Variants in NOL4 observed in about 807,000 individuals in gnomAD.
The protein encoded by NOL4 is cancer/testis antigen 125.
In NOL4, 17 loss-of-function variants were observed where a neutral mutation model predicts 75.9. The observed-to-expected ratio is 0.22, with a 90% CI of 0.15 to 0.34. The LOEUF (loss-of-function observed/expected upper bound fraction) is 0.34. NOL4 is among the 10% of genes least tolerant of loss of function. NOL4 has a pLI of 1.00. For synonymous variants in NOL4, 292 were observed against 289.9 expected (o/e 1.01, Z -0.07); for missense variants, 614 against 793.5 (o/e 0.77, Z 2.72).
chr18:34,139,550 T>C (rs1430711459), intron 1 of NOL4, among the ~76,000 whole-genome samples: 1 of 152,202 alleles, frequency 6.6e-6, no homozygotes, highest in African/African-American at 2.4e-5. Flanking sequence ...TTATTGCGTC[T>C]ATTTGATTCT....
At chr18:33,880,487 C>T (rs547144321) in intron 10 of NOL4, among the ~76,000 whole-genome samples, 2 of 152,178 alleles carry the variant, frequency 1.3e-5, no homozygotes, top group South Asian at 4.1e-4. Context: ...CTCCTTTAGA[C>T]TTCAACCTGG....
intron 6 of NOL4, among the ~76,000 whole-genome samples, chr18:33,986,039 T>G (rs1300759697): frequency 6.6e-6 from 1 of 152,158 alleles, no homozygotes; most frequent in African/African-American, 2.4e-5. Context: ...GAAAATAAAA[T>G]GATTTGGCTT....
chr18:34,005,349 C>G (rs1200159056), intron 6 of NOL4, among the ~76,000 whole-genome samples: 5 of 152,026 alleles, frequency 3.3e-5, no homozygotes, highest in Non-Finnish European at 7.4e-5. Flanking sequence ...TTTTCTGGCT[C>G]TCTGCTTCAT....
At chr18:33,901,258 A>G (rs1011259412) in intron 9 of NOL4, among the ~76,000 whole-genome samples, 6 of 152,152 alleles carry the variant, frequency 3.9e-5, no homozygotes, top group Admixed American at 3.9e-4. Flanking sequence ...AATAAGACGA[A>G]TACAAGATCG....
At chr18:34,185,050 T>G (rs2034348664) in intron 1 of NOL4, among the ~76,000 whole-genome samples, 1 of 152,122 alleles carries the variant, frequency 6.6e-6, no homozygotes, top group African/African-American at 2.4e-5. Flanking sequence ...TGTCCCTAGT[T>G]AAGGCTTTCA....
intron 6 of NOL4, among the ~76,000 whole-genome samples, chr18:33,985,920 C>T (rs2072409273): frequency 6.6e-6 from 1 of 152,026 alleles, no homozygotes; most frequent in Non-Finnish European, 1.5e-5. Context: ...TTACATTTTA[C>T]AGATGAAGAA....
chr18:34,216,676 C>T (rs548627881), intron 1 of NOL4, among the ~76,000 whole-genome samples: 34 of 149,318 alleles, frequency 2.3e-4, no homozygotes, highest in African/African-American at 7.3e-4. Context: ...AAATGTAAAC[C>T]AGGATCTAAG....
At chr18:33,907,173 A>G (rs1341355030) in intron 9 of NOL4, among the ~76,000 whole-genome samples, 2 of 151,934 alleles carry the variant, frequency 1.3e-5, no homozygotes, top group Non-Finnish European at 2.9e-5. Flanking sequence ...AATACAAAAA[A>G]TTAGCTAGAC....
intron 5 of NOL4, among the ~76,000 whole-genome samples, chr18:34,024,190 A>ATATATAT (rs1322401512): frequency 4.3e-5 from 3 of 69,664 alleles, no homozygotes; most frequent in South Asian, 3.5e-4. Context: ...GGAAAAAAAA[A>ATATATAT]AAAAATATAT....
chr18:33,895,302 C>T (rs1031487305), intron 9 of NOL4, among the ~76,000 whole-genome samples: 3 of 151,890 alleles, frequency 2.0e-5, no homozygotes, highest in South Asian at 2.1e-4. Context: ...AAAACTTCCC[C>T]GATCAACATA....
chr18:34,080,522 A>G (rs1164554079), intron 5 of NOL4, among the ~76,000 whole-genome samples: 2 of 152,212 alleles, frequency 1.3e-5, no homozygotes, highest in Non-Finnish European at 2.9e-5. Context: ...ATAGGCTAAC[A>G]TAAAAAGCGG....
At chr18:33,854,986 G>GAGCTT (rs2062776699) in intron 10 of NOL4, among the ~76,000 whole-genome samples, 1 of 151,980 alleles carries the variant, frequency 6.6e-6, no homozygotes, top group Non-Finnish European at 1.5e-5. Flanking sequence ...CACAGGCATA[G>GAGCTT]TCTAGAGAAA....
At chr18:33,912,251 T>C (rs1337667617) in intron 9 of NOL4, among the ~76,000 whole-genome samples, 1 of 152,062 alleles carries the variant, frequency 6.6e-6, no homozygotes, top group Non-Finnish European at 1.5e-5. Flanking sequence ...TTTGTAAATC[T>C]AAACTTTATA....
chr18:33,903,948 T>C (rs1431999508), intron 9 of NOL4, among the ~76,000 whole-genome samples: 2 of 152,076 alleles, frequency 1.3e-5, no homozygotes, highest in African/African-American at 4.8e-5. Flanking sequence ...TTTTAAAGGG[T>C]CTGTTTCGAG....
At chr18:33,950,579 A>T (rs2069149320) in intron 8 of NOL4, among the ~76,000 whole-genome samples, 1 of 152,156 alleles carries the variant, frequency 6.6e-6, no homozygotes, top group Non-Finnish European at 1.5e-5. Flanking sequence ...TACAGAGATG[A>T]ACAAGTTAAG....
At chr18:34,103,695 A>G (rs544890291) in intron 4 of NOL4, among the ~76,000 whole-genome samples, 1 of 152,202 alleles carries the variant, frequency 6.6e-6, no homozygotes, top group African/African-American at 2.4e-5. Flanking sequence ...CTTAGTACTT[A>G]AATTTCCTTA....
At chr18:34,083,554 T>A (rs1044630467) in intron 5 of NOL4, among the ~76,000 whole-genome samples, 1 of 152,236 alleles carries the variant, frequency 6.6e-6, no homozygotes, top group African/African-American at 2.4e-5. Flanking sequence ...AACACACAGA[T>A]GGTTCTGGAA....
intron 1 of NOL4, among the ~76,000 whole-genome samples, chr18:34,218,345 C>A (rs972791250): frequency 4.6e-5 from 7 of 152,088 alleles, no homozygotes; most frequent in Non-Finnish European, 7.4e-5. Context: ...CAAATCTTGC[C>A]CCATCTCCCT....
At position 34,055,428 on chromosome 18, in the gene NOL4, A is replaced by G. The variant is rs549500092; in HGVS notation, c.773-35827T>C. Among the ~76,000 whole-genome samples the G allele has an allele frequency of 1.8e-3, 270 of 152,256 alleles. 1 individual carries two copies. Among genetic ancestry groups the G allele is most frequent in the South Asian group, 3.1e-3 (15 of 4,830 alleles). The stretch of plus-strand genomic sequence containing the variant: ...TTCTCTAAACACTTTGAATAATATT[A>G]TCACACTTCCTTTGGCCTATAAGGT... On this transcript the variant is annotated intron_variant, in intron 5 of 10. Coordinates refer to ENST00000261592, the MANE Select transcript of NOL4 (RefSeq NM_003787.5).
Sources: allele counts gnomAD v4.1 joint callset (sites outside exome capture counted in the v4.1 genomes callset), GRCh38; gene constraint gnomAD v4.1.1; transcripts MANE v1.5; gene names NCBI Gene and HGNC (gene_info 2026-07-23, HGNC 2026-07-21).